EPHA6: variants seen among roughly 807,000 people sequenced by gnomAD.
EPHA6 encodes EPH receptor A6.
Under a neutral mutation model 112.0 loss-of-function variants are expected in EPHA6, and 50 were observed. The observed-to-expected ratio is 0.45, with a 90% confidence interval of 0.36 to 0.56. EPHA6 has a LOEUF of 0.56. EPHA6 is among the 20% of genes least tolerant of loss of function. The pLI, the probability that EPHA6 is intolerant of heterozygous loss-of-function variation, is 0.00. For synonymous variants in EPHA6, 529 were observed against 490.7 expected (o/e 1.08, Z -1.03); for missense variants, 1,280 against 1,417.4 (o/e 0.90, Z 1.56).
intron 12 of EPHA6, among the ~76,000 whole-genome samples, chr3:97,596,851 C>A (rs902325566): frequency 1.0e-5 from 1 of 100,392 alleles, no homozygotes; most frequent in Non-Finnish European, 1.9e-5. Flanking sequence ...TTTGGTCTAG[C>A]AACAATTCCA....
At chr3:97,251,250 G>T (rs1447029593) in intron 5 of EPHA6, among the ~76,000 whole-genome samples, 1 of 152,094 alleles carries the variant, frequency 6.6e-6, no homozygotes, top group Non-Finnish European at 1.5e-5. Flanking sequence ...AAAACAAAAG[G>T]CCGGGCGCAG....
intron 3 of EPHA6, among the ~76,000 whole-genome samples, chr3:97,061,102 T>C (rs1476383793): frequency 2.0e-5 from 3 of 151,878 alleles, no homozygotes. Flanking sequence ...CAAAATTAGG[T>C]AAAGAAGAAG....
rs941061050 is a variant in EPHA6 at position 96,911,448 on chromosome 3, G to A, written c.450+44559G>A. On this transcript the variant is annotated intron_variant, in intron 2 of 17. Transcript: ENST00000389672. ...TATTTTAATACTAAAAGTTTAGGTA[G>A]ATATAGTAAAATATGAAAAATGCAG... is the stretch of plus-strand genomic sequence containing the variant. Among the ~76,000 whole-genome samples the A allele has an allele frequency of 2.6e-5, 4 of 152,018 alleles. No homozygotes were observed. In the East Asian group the frequency reaches 7.7e-4, roughly 29 times the overall value.
intron 3 of EPHA6, among the ~76,000 whole-genome samples, chr3:97,061,488 C>T (rs544168012): frequency 6.6e-6 from 1 of 152,238 alleles, no homozygotes; most frequent in South Asian, 2.1e-4. Context: ...TAAGTAATTG[C>T]AAGGATCAGC....
intron 15 of EPHA6, among the ~76,000 whole-genome samples, chr3:97,734,038 T>A (rs1039353112): frequency 6.6e-5 from 10 of 152,084 alleles, no homozygotes; most frequent in Admixed American, 2.0e-4. Flanking sequence ...AGTTTCCTTA[T>A]TCCTCTGAGT....
At chr3:97,419,878 T>G (rs1278127383) in intron 6 of EPHA6, among the ~76,000 whole-genome samples, 1 of 152,134 alleles carries the variant, frequency 6.6e-6, no homozygotes, top group Non-Finnish European at 1.5e-5. Context: ...AATTCAAGTT[T>G]CTAAAGGCTG....
chr3:97,153,374 C>T (rs1431689376), intron 3 of EPHA6, among the ~76,000 whole-genome samples: 1 of 152,122 alleles, frequency 6.6e-6, no homozygotes, highest in Non-Finnish European at 1.5e-5. Context: ...ATTTTACCCA[C>T]TATAATGAAA....
intron 3 of EPHA6, among the ~76,000 whole-genome samples, chr3:97,115,771 T>C (rs1336039334): frequency 1.3e-5 from 2 of 151,912 alleles, no homozygotes; most frequent in Non-Finnish European, 2.9e-5. Context: ...CTAAATACTT[T>C]ACTCCATATT....
intron 5 of EPHA6, among the ~76,000 whole-genome samples, chr3:97,303,890 C>T (rs1046569916): frequency 6.6e-6 from 1 of 151,950 alleles, no homozygotes; most frequent in Non-Finnish European, 1.5e-5. Context: ...AATGTTTTTG[C>T]ATTTGTTTAT....
intron 3 of EPHA6, among the ~76,000 whole-genome samples, chr3:97,027,990 A>G (rs1559679303): frequency 1.3e-5 from 2 of 152,162 alleles, no homozygotes; most frequent in Non-Finnish European, 2.9e-5. Context: ...AAAACTGTCA[A>G]TAGCCGAATT....
At chr3:97,084,042 TA>T (rs1194661847) in intron 3 of EPHA6, among the ~76,000 whole-genome samples, 5 of 146,600 alleles carry the variant, frequency 3.4e-5, no homozygotes, top group South Asian at 2.2e-4. Flanking sequence ...AAGGTTTGGA[TA>T]GGGGTGGTAC....
At chr3:97,045,020 A>G (rs2045454008) in intron 3 of EPHA6, among the ~76,000 whole-genome samples, 1 of 152,080 alleles carries the variant, frequency 6.6e-6, no homozygotes, top group Non-Finnish European at 1.5e-5. Flanking sequence ...ATCAATTTGA[A>G]TGTTTAAATT....
chr3:97,086,692 C>A (rs1324679335), intron 3 of EPHA6, among the ~76,000 whole-genome samples: 1 of 151,784 alleles, frequency 6.6e-6, no homozygotes, highest in African/African-American at 2.4e-5. Context: ...ATTTTGCACA[C>A]CCTAAATGTT....
chr3:96,924,988 A>G (rs2039961087), intron 2 of EPHA6, among the ~76,000 whole-genome samples: 1 of 152,116 alleles, frequency 6.6e-6, no homozygotes, highest in South Asian at 2.1e-4. Flanking sequence ...CCTGAAGCCA[A>G]CTTAATTGTG....
intron 5 of EPHA6, among the ~76,000 whole-genome samples, chr3:97,264,143 A>G (rs1234930161): frequency 6.6e-6 from 1 of 151,802 alleles, no homozygotes; most frequent in East Asian, 1.9e-4. Context: ...CTTGCTGGAA[A>G]CCTCTGTGGC....
intron 3 of EPHA6, among the ~76,000 whole-genome samples, chr3:97,184,559 A>G (rs2077071419): frequency 6.6e-6 from 1 of 152,154 alleles, no homozygotes; most frequent in South Asian, 2.1e-4. Context: ...TCAATGAAAT[A>G]AAAGAGGATA....
intron 2 of EPHA6, among the ~76,000 whole-genome samples, chr3:96,938,671 A>G (rs986866499): frequency 2.0e-5 from 3 of 151,832 alleles, no homozygotes; most frequent in Non-Finnish European, 2.9e-5. Flanking sequence ...GAGAGAGGGC[A>G]TCCCTGTCTT....
intron 7 of EPHA6, chr3:97,466,516 C>T (rs539197298): frequency 1.8e-5 from 17 of 938,960 alleles, no homozygotes; most frequent in Admixed American, 1.2e-4. Flanking sequence ...GTGTGAGGGT[C>T]GGGCCAAATC....
intron 12 of EPHA6, among the ~76,000 whole-genome samples, chr3:97,596,885 T>TATATATATATATATAC (rs2093597901): frequency 7.5e-6 from 1 of 133,842 alleles, no homozygotes; most frequent in African/African-American, 2.9e-5. Flanking sequence ...AATATATATA[T>TATATATATATATATAC]ATATATATAT....
Sources: gnomAD v4.1 joint callset for allele counts (sites outside exome capture counted in the v4.1 genomes callset) on GRCh38, gnomAD v4.1.1 for gene constraint, MANE v1.5 for transcripts, NCBI Gene and HGNC (gene_info 2026-07-23, HGNC 2026-07-21) for gene names.